The following STPG2 variants were observed in gnomAD, a reference collection of about 807,000 sequenced individuals.
The protein encoded by STPG2 is sperm tail PG-rich repeat containing 2, also known as sperm-tail PG-rich repeat-containing protein 2.
Under a neutral mutation model 54.2 loss-of-function variants are expected in STPG2, and 56 were observed. That is an observed-to-expected ratio of 1.03 (90% confidence interval 0.83 to 1.29). The LOEUF is 1.29. Ranked by LOEUF, STPG2 falls within the 50% of genes most tolerant of loss-of-function variation. The pLI, the probability that STPG2 is intolerant of heterozygous loss-of-function variation, is 0.00. For synonymous variants in STPG2, 200 were observed against 181.8 expected (o/e 1.10, Z -0.81); for missense variants, 596 against 544.9 (o/e 1.09, Z -0.93).
At chr4:97,890,183 G>C (rs1295148124) in intron 8 of STPG2, among the ~76,000 whole-genome samples, 1 of 151,870 alleles carries the variant, frequency 6.6e-6, no homozygotes, top group Non-Finnish European at 1.5e-5. Context: ...ACAAAATAAA[G>C]AAATGTGGCA....
At chr4:97,749,434 A>C (rs1490524152) in intron 9 of STPG2, among the ~76,000 whole-genome samples, 1 of 151,794 alleles carries the variant, frequency 6.6e-6, no homozygotes, top group Non-Finnish European at 1.5e-5. Flanking sequence ...GTATGCCAAA[A>C]AAGCAATAGC....
chr4:97,659,836 T>G (rs1020492260), intron 10 of STPG2, among the ~76,000 whole-genome samples: 1 of 152,158 alleles, frequency 6.6e-6, no homozygotes, highest in African/African-American at 2.4e-5. Flanking sequence ...TTAAAATAAC[T>G]GGAAAAATAA....
At chr4:97,874,341 T>A (rs1730100277) in intron 8 of STPG2, among the ~76,000 whole-genome samples, 1 of 151,694 alleles carries the variant, frequency 6.6e-6, no homozygotes, top group African/African-American at 2.4e-5. Context: ...ATCTCCCAAG[T>A]AATTTTTTTT....
At chr4:97,908,085 T>C (rs1173826423) in intron 8 of STPG2, among the ~76,000 whole-genome samples, 1 of 151,432 alleles carries the variant, frequency 6.6e-6, no homozygotes, top group Non-Finnish European at 1.5e-5. Flanking sequence ...ACAGGCAACC[T>C]ACAAAATGGG....
intron 10 of STPG2, among the ~76,000 whole-genome samples, chr4:97,590,343 G>T (rs1733105238): frequency 6.6e-6 from 1 of 151,936 alleles, no homozygotes; most frequent in South Asian, 2.1e-4. Flanking sequence ...CTGTGTCTCG[G>T]TCAGCAGCAA....
At chr4:97,743,378 C>T (rs1356949745) in intron 9 of STPG2, among the ~76,000 whole-genome samples, 1 of 151,634 alleles carries the variant, frequency 6.6e-6, no homozygotes, top group African/African-American at 2.4e-5. Context: ...GAAATGTTTA[C>T]ATTTTGACCA....
chr4:98,011,902 G>A (rs1332364014), intron 5 of STPG2, among the ~76,000 whole-genome samples: 1 of 152,172 alleles, frequency 6.6e-6, no homozygotes, highest in African/African-American at 2.4e-5. Context: ...CTCCTATTCT[G>A]TAGGTCGCCT....
intron 8 of STPG2, among the ~76,000 whole-genome samples, chr4:97,914,558 C>G (rs1024928331): frequency 1.3e-5 from 2 of 152,098 alleles, no homozygotes; most frequent in African/African-American, 2.4e-5. Context: ...TCTTCCCAAA[C>G]AGAAACATTG....
At chr4:97,869,774 G>A (rs957032823) in intron 8 of STPG2, among the ~76,000 whole-genome samples, 1 of 151,592 alleles carries the variant, frequency 6.6e-6, no homozygotes, top group South Asian at 2.1e-4. Context: ...GTAGTATTCA[G>A]TAATTTCCTG....
At chr4:97,897,611 A>C (rs1731008181) in intron 8 of STPG2, among the ~76,000 whole-genome samples, 1 of 152,064 alleles carries the variant, frequency 6.6e-6, no homozygotes, top group Non-Finnish European at 1.5e-5. Context: ...GACTGGTGTG[A>C]TATGGTATCT....
intron 5 of STPG2, among the ~76,000 whole-genome samples, chr4:98,021,002 T>C (rs921821818): frequency 2.0e-5 from 3 of 152,152 alleles, no homozygotes; most frequent in East Asian, 1.9e-4. Flanking sequence ...GAAGGGTTTT[T>C]TGTGTCTTTG....
chr4:97,793,601 A>G (rs968197243), intron 9 of STPG2, among the ~76,000 whole-genome samples: 2 of 152,050 alleles, frequency 1.3e-5, no homozygotes, highest in South Asian at 2.1e-4. Flanking sequence ...AAGAATGAAA[A>G]TGACCCTAGA....
At chr4:97,963,835 T>C (rs1222522642) in intron 7 of STPG2, among the ~76,000 whole-genome samples, 1 of 151,978 alleles carries the variant, frequency 6.6e-6, no homozygotes, top group Non-Finnish European at 1.5e-5. Context: ...ACTGAAAGTC[T>C]AGAAATCTAG....
chr4:97,653,884 T>TA (rs1413864430), intron 10 of STPG2, among the ~76,000 whole-genome samples: 2 of 152,274 alleles, frequency 1.3e-5, no homozygotes, highest in East Asian at 3.9e-4. Context: ...AGCTTTATCA[T>TA]ATCGGCTACC....
rs141953083 is a variant in STPG2 at position 97,999,358 on chromosome 4, T to C, written c.613-18040A>G. On this transcript the variant is annotated intron_variant, in intron 5 of 10. Coordinates refer to ENST00000295268, the MANE Select transcript of STPG2 (RefSeq NM_174952.3). Reference sequence around the variant, plus strand: ...GCCATCTTTCACATAGAGGTGACTATGACACACTCCTGGCTAATGAATGTA... The same window carrying C: ...GCCATCTTTCACATAGAGGTGACTACGACACACTCCTGGCTAATGAATGTA... 8.1e-3 allele frequency among the ~76,000 whole-genome samples: 1,239 copies of C among 152,286 alleles called. 15 individuals carry two copies. Among genetic ancestry groups the C allele is most frequent in the African/African-American group, 0.028 (1,173 of 41,558 alleles).
intron 9 of STPG2, among the ~76,000 whole-genome samples, chr4:97,765,240 G>T (rs1726006275): frequency 6.6e-6 from 1 of 152,126 alleles, no homozygotes; most frequent in African/African-American, 2.4e-5. Context: ...ACTCAGAACT[G>T]CTCAGAACAC....
chr4:97,812,716 C>G (rs1727779549), intron 9 of STPG2, among the ~76,000 whole-genome samples: 1 of 152,052 alleles, frequency 6.6e-6, no homozygotes, highest in African/African-American at 2.4e-5. Flanking sequence ...CGTTTTCCTC[C>G]TAATCAATAT....
At chr4:97,933,636 C>A (rs931161597) in intron 8 of STPG2, among the ~76,000 whole-genome samples, 1 of 152,118 alleles carries the variant, frequency 6.6e-6, no homozygotes, top group African/African-American at 2.4e-5. Flanking sequence ...TTCCCCCTTG[C>A]CTGTTTTTGT....
chr4:97,645,582 G>C (rs1452254171), intron 10 of STPG2, among the ~76,000 whole-genome samples: 1 of 152,058 alleles, frequency 6.6e-6, no homozygotes, highest in Non-Finnish European at 1.5e-5. Context: ...ATAATTAATA[G>C]GCATTGTCAG....
Sources: allele counts gnomAD v4.1 joint callset (sites outside exome capture counted in the v4.1 genomes callset), GRCh38; gene constraint gnomAD v4.1.1; transcripts MANE v1.5; gene names NCBI Gene and HGNC (gene_info 2026-07-23, HGNC 2026-07-21).